The following PLA2G4A variants were observed in gnomAD, a reference collection of about 807,000 sequenced individuals.
PLA2G4A encodes phospholipase A2 group IVA.
A neutral mutation model predicts 81.9 loss-of-function variants in PLA2G4A; 40 were observed. The observed-to-expected ratio is 0.49, with a 90% CI of 0.38 to 0.64. The LOEUF (loss-of-function observed/expected upper bound fraction) is 0.64. Among genes scored for constraint, PLA2G4A ranks in the 30% least tolerant of loss-of-function variants. The probability of loss-of-function intolerance (pLI) is 0.00; values close to 1 mark genes in which losing one functional copy is unlikely to be tolerated. For missense variants in PLA2G4A, 715 were observed against 905.1 expected, an observed-to-expected ratio of 0.79 and a Z score of 2.69; for synonymous variants, 302 against 296.9, an observed-to-expected ratio of 1.02 and a Z score of -0.18.
At chr1:186,926,609 T>C (rs1655556092) in intron 7 of PLA2G4A, among the ~76,000 whole-genome samples, 1 of 152,228 alleles carries the variant, frequency 6.6e-6, no homozygotes, top group South Asian at 2.1e-4. Flanking sequence ...GAGTGGGCTG[T>C]TGTGGCAGTT....
intron 5 of PLA2G4A, among the ~76,000 whole-genome samples, chr1:186,905,455 CTGTT>C (rs1270146139): frequency 6.6e-6 from 1 of 151,656 alleles, no homozygotes. Flanking sequence ...ATTGCATTGT[CTGTT>C]TGGTAGCCAA....
chr1:186,859,425 G>A (rs1268151900), intron 2 of PLA2G4A, among the ~76,000 whole-genome samples: 1 of 152,022 alleles, frequency 6.6e-6, no homozygotes, highest in African/African-American at 2.4e-5. Flanking sequence ...AAGAAGTCAA[G>A]TATAAAATAT....
chr1:186,848,514 A>G (rs373759150), intron 1 of PLA2G4A, among the ~76,000 whole-genome samples: 1 of 152,130 alleles, frequency 6.6e-6, no homozygotes, highest in South Asian at 2.1e-4. Flanking sequence ...TGACTGGGTT[A>G]ATTCTTTTTC....
At chr1:186,958,518 A>C (rs972252456) in intron 14 of PLA2G4A, among the ~76,000 whole-genome samples, 1 of 152,150 alleles carries the variant, frequency 6.6e-6, no homozygotes, top group Non-Finnish European at 1.5e-5. Flanking sequence ...CAGTTATTTT[A>C]CTCTATAGAA....
At chr1:186,857,335 ATAT>A (rs1239326521) in intron 2 of PLA2G4A, among the ~76,000 whole-genome samples, 52 of 120,158 alleles carry the variant, frequency 4.3e-4, no homozygotes, top group Middle Eastern at 3.8e-3. Flanking sequence ...TATAAATATA[ATAT>A]TATATATATT....
At chr1:186,889,601 A>G (rs1654062118) in intron 3 of PLA2G4A, among the ~76,000 whole-genome samples, 1 of 152,228 alleles carries the variant, frequency 6.6e-6, no homozygotes, top group Non-Finnish European at 1.5e-5. Context: ...AAGAACTAGG[A>G]GCAATACTGA....
intron 10 of PLA2G4A, among the ~76,000 whole-genome samples, chr1:186,943,485 C>CA (rs1656229717): frequency 6.6e-6 from 1 of 151,992 alleles, no homozygotes; most frequent in Admixed American, 6.6e-5. Flanking sequence ...TTGAAAGAGA[C>CA]AAAAATAAAG....
At chr1:186,836,484 A>G (rs1423506357) in intron 1 of PLA2G4A, among the ~76,000 whole-genome samples, 1 of 152,124 alleles carries the variant, frequency 6.6e-6, no homozygotes, top group Non-Finnish European at 1.5e-5. Context: ...TCTATATACC[A>G]TTTTATTAAT....
intron 14 of PLA2G4A, among the ~76,000 whole-genome samples, chr1:186,960,814 A>T (rs916793480): frequency 6.6e-6 from 1 of 152,224 alleles, no homozygotes; most frequent in African/African-American, 2.4e-5. Flanking sequence ...GCATTTTCAT[A>T]TAAAGTGCTG....
At chr1:186,973,088 C>G (rs1657412203) in intron 15 of PLA2G4A, among the ~76,000 whole-genome samples, 1 of 152,176 alleles carries the variant, frequency 6.6e-6, no homozygotes, top group Non-Finnish European at 1.5e-5. Flanking sequence ...AGTTTTATCT[C>G]TTGTACTAGT....
chr1:186,897,361 G>T (rs1654369084), intron 5 of PLA2G4A, among the ~76,000 whole-genome samples: 2 of 151,982 alleles, frequency 1.3e-5, no homozygotes, highest in African/African-American at 4.8e-5. Context: ...TCTCCAGAAT[G>T]TTTGAATTGT....
intron 2 of PLA2G4A, among the ~76,000 whole-genome samples, chr1:186,864,727 A>T (rs1288067280): frequency 6.6e-6 from 1 of 151,334 alleles, no homozygotes. Context: ...TATACTCGTG[A>T]TTAAAAGAGG....
chr1:186,951,519 A>G (rs532400438), intron 13 of PLA2G4A, among the ~76,000 whole-genome samples: 2 of 152,240 alleles, frequency 1.3e-5, no homozygotes, highest in East Asian at 1.9e-4. Flanking sequence ...GGAAGGCTTT[A>G]TAAGAACTGG....
intron 10 of PLA2G4A, among the ~76,000 whole-genome samples, chr1:186,942,857 C>A (rs924839097): frequency 6.2e-4 from 94 of 152,142 alleles, no homozygotes; most frequent in Non-Finnish European, 1.2e-3. Flanking sequence ...CATTAACCTT[C>A]ATTGTTAAGC....
At chr1:186,878,221 A>T (rs1478526372) in intron 3 of PLA2G4A, among the ~76,000 whole-genome samples, 1 of 142,594 alleles carries the variant, frequency 7.0e-6, no homozygotes, top group Non-Finnish European at 1.5e-5. Flanking sequence ...CTTTTCTGAT[A>T]TATTTTATAT....
chr1:186,859,079 A>G (rs1164854541), intron 2 of PLA2G4A, among the ~76,000 whole-genome samples: 2 of 152,148 alleles, frequency 1.3e-5, no homozygotes, highest in African/African-American at 4.8e-5. Context: ...CTTACTATTA[A>G]TAGTAATGAG....
chr1:186,830,608 C>CAAAAAAAAAAAAAAAAAAA (rs55745208), intron 1 of PLA2G4A, among the ~76,000 whole-genome samples: 8 of 72,688 alleles, frequency 1.1e-4, no homozygotes, highest in African/African-American at 3.8e-4. Context: ...AGCTCTGTCT[C>CAAAAAAAAAAAAAAAAAAA]AAAAAAAAAA....
At position 186,950,697 on chromosome 1, in the gene PLA2G4A, G is replaced by C. The variant is rs761786092; in HGVS notation, c.1305G>C (p.Ser435=). The part of the protein sequence containing the change: ...TTKHIVSNDS[S]DSDDESHEPK... The stretch of plus-strand genomic sequence containing the variant: ...AGCATATTGTGAGTAATGATAGCTC[G>C]GACAGTGATGATGAATCACACGAAC... Residue 435 remains serine, a synonymous_variant, in exon 13 of 18, where the codon TCG becomes TCC. Coordinates refer to ENST00000367466, the MANE Select transcript of PLA2G4A (RefSeq NM_024420.3). 1 of 1,604,558 alleles carries C rather than the reference G, an allele frequency of 6.2e-7. No individual in the cohort carries two copies. Among genetic ancestry groups the C allele is most frequent in the Non-Finnish European group, 8.5e-7 (1 of 1,171,826 alleles).
chr1:186,833,300 C>T (rs1335793271), intron 1 of PLA2G4A, among the ~76,000 whole-genome samples: 1 of 151,772 alleles, frequency 6.6e-6, no homozygotes, highest in Non-Finnish European at 1.5e-5. Context: ...GAGGCTGAGG[C>T]AGGGGGATCA....
Sources: gnomAD v4.1 joint callset for allele counts (sites outside exome capture counted in the v4.1 genomes callset) on GRCh38, gnomAD v4.1.1 for gene constraint, MANE v1.5 for transcripts, NCBI Gene and HGNC (gene_info 2026-07-23, HGNC 2026-07-21) for gene names.